Variants in MACROD2 observed in about 807,000 individuals in gnomAD.
MACROD2 encodes ADP-ribose glycohydrolase MACROD2.
Under a neutral mutation model 70.4 loss-of-function variants are expected in MACROD2, and 36 were observed. The ratio of observed to expected loss-of-function variants is 0.51; its 90% CI spans 0.39 to 0.68. The LOEUF (loss-of-function observed/expected upper bound fraction) is 0.68, where lower values mean the gene tolerates loss of function less well. Ranked by LOEUF, MACROD2 falls within the 30% of genes least tolerant of loss-of-function variation. The probability of loss-of-function intolerance (pLI) is 0.00; values close to 1 mark genes in which losing one functional copy is unlikely to be tolerated. For synonymous variants in MACROD2, 172 were observed against 178.8 expected, an observed-to-expected ratio of 0.96 and a Z score of 0.30; for missense variants, 496 against 538.4, an observed-to-expected ratio of 0.92 and a Z score of 0.78.
At chr20:14,948,639 A>C (rs1228189209) in intron 5 of MACROD2, among the ~76,000 whole-genome samples, 1 of 152,172 alleles carries the variant, frequency 6.6e-6, no homozygotes, top group Non-Finnish European at 1.5e-5. Context: ...GTGGTACTGC[A>C]AGCTCTAAAA....
At chr20:15,501,022 G>T (rs574310203) in intron 8 of MACROD2, among the ~76,000 whole-genome samples, 32 of 152,232 alleles carry the variant, frequency 2.1e-4, no homozygotes, top group Admixed American at 1.6e-3. Flanking sequence ...GTAGGTATAT[G>T]TTATCTTCAT....
rs542501279 is a variant in MACROD2, at chr20:15,576,052, C to T, written c.645+76205C>T. Among the ~76,000 whole-genome samples, 10 of 152,280 alleles carry T rather than the reference C, an allele frequency of 6.6e-5. No homozygotes were observed. The East Asian group carries it at 7.7e-4, about 12-fold the overall frequency. On this transcript the variant is annotated intron_variant, in intron 8 of 17. Coordinates refer to ENST00000684519, the MANE Select transcript of MACROD2 (RefSeq NM_001351661.2). ...CAAAAATTCTTAAGCACCTGCCATA[C>T]GAGTAACAACCATGAGGTTTAGAAT...
chr20:14,217,212 A>G (rs888367330), intron 3 of MACROD2, among the ~76,000 whole-genome samples: 1 of 152,216 alleles, frequency 6.6e-6, no homozygotes, highest in South Asian at 2.1e-4. Flanking sequence ...AGTTTCAATC[A>G]TAAAGCAATG....
intron 15 of MACROD2, among the ~76,000 whole-genome samples, chr20:16,022,047 C>CTTTTT (rs543662575): frequency 2.8e-4 from 30 of 108,928 alleles, no homozygotes; most frequent in East Asian, 5.5e-4. Flanking sequence ...GTTTCAGTTT[C>CTTTTT]TTTTTTTTTT....
At position 15,298,290 on chromosome 20, in the gene MACROD2, G is replaced by A. The variant is rs191449033; in HGVS notation, c.540+68229G>A. 9.3e-4 allele frequency among the ~76,000 whole-genome samples: 142 copies of A among 152,294 alleles called. 1 individual carries two copies. The highest frequency in any genetic ancestry group is 5.8e-3 in the Admixed American group (89 of 15,296). Reference sequence around the variant, plus strand: ...TGTAAAGTGTATCTCCCTGGGCCTTGGGTTGTTGACTCCTTATTCTGTTCC... The same window carrying A: ...TGTAAAGTGTATCTCCCTGGGCCTTAGGTTGTTGACTCCTTATTCTGTTCC... On this transcript the variant is annotated intron_variant, in intron 6 of 17. Coordinates refer to ENST00000684519, the MANE Select transcript of MACROD2 (RefSeq NM_001351661.2).
chr20:14,609,697 A>G (rs1352359004), intron 4 of MACROD2, among the ~76,000 whole-genome samples: 3 of 152,116 alleles, frequency 2.0e-5, no homozygotes, highest in Non-Finnish European at 4.4e-5. Flanking sequence ...TCAGTAAATC[A>G]TGTGTTCAAA....
chr20:14,024,008 G>A (rs957288527), intron 2 of MACROD2, among the ~76,000 whole-genome samples: 1 of 152,056 alleles, frequency 6.6e-6, no homozygotes, highest in Non-Finnish European at 1.5e-5. Flanking sequence ...CCATTTTCAC[G>A]ATACTGATTC....
chr20:14,110,979 C>T (rs2054443196), intron 3 of MACROD2, among the ~76,000 whole-genome samples: 2 of 152,088 alleles, frequency 1.3e-5, no homozygotes, highest in African/African-American at 4.8e-5. Flanking sequence ...TTAAATTATA[C>T]TGCAGAGCTA....
intron 3 of MACROD2, among the ~76,000 whole-genome samples, chr20:14,457,092 T>C (rs1306312393): frequency 6.6e-6 from 1 of 151,954 alleles, no homozygotes; most frequent in African/African-American, 2.4e-5. Flanking sequence ...CAGAATTACA[T>C]AGTGGAGTTT....
intron 5 of MACROD2, among the ~76,000 whole-genome samples, chr20:15,084,450 C>T (rs1230488809): frequency 2.0e-5 from 3 of 152,078 alleles, no homozygotes; most frequent in Admixed American, 1.3e-4. Context: ...TCTTGGCTGA[C>T]CCATGGCCAC....
intron 9 of MACROD2, among the ~76,000 whole-genome samples, chr20:15,867,107 C>G (rs902523187): frequency 6.6e-6 from 1 of 152,180 alleles, no homozygotes; most frequent in Non-Finnish European, 1.5e-5. Flanking sequence ...CCTGTACTTT[C>G]AAATGACCTT....
At chr20:14,569,520 T>C (rs1202184757) in intron 4 of MACROD2, among the ~76,000 whole-genome samples, 1 of 152,026 alleles carries the variant, frequency 6.6e-6, no homozygotes, top group Non-Finnish European at 1.5e-5. Context: ...CATCATTCTT[T>C]GGTGAAGAAA....
intron 4 of MACROD2, among the ~76,000 whole-genome samples, chr20:14,501,353 C>A (rs1430285675): frequency 6.6e-6 from 1 of 151,932 alleles, no homozygotes; most frequent in East Asian, 1.9e-4. Context: ...TATCATTCTC[C>A]TTTTTCATAG....
chr20:15,547,356 T>C (rs1338238429), intron 8 of MACROD2, among the ~76,000 whole-genome samples: 2 of 152,200 alleles, frequency 1.3e-5, no homozygotes, highest in African/African-American at 4.8e-5. Context: ...GCACTCCAAA[T>C]GTAGCGGTAC....
intron 5 of MACROD2, chr20:14,850,579 C>G (rs1341898806): frequency 6.6e-6 from 1 of 152,178 alleles, no homozygotes; most frequent in Non-Finnish European, 1.5e-5. Flanking sequence ...TTAGTCCTCT[C>G]CCTAATGAAA....
chr20:15,543,370 T>C (rs7266469), intron 8 of MACROD2, among the ~76,000 whole-genome samples: 5,522 of 152,286 alleles, frequency 0.036, 118 homozygotes, highest in South Asian at 0.1. Context: ...AGGCTTTTGA[T>C]ACATGATAGA....
chr20:14,852,448 A>T (rs1005836594), intron 5 of MACROD2, among the ~76,000 whole-genome samples: 3 of 152,172 alleles, frequency 2.0e-5, no homozygotes, highest in African/African-American at 7.2e-5. Flanking sequence ...AGAGGGTGAC[A>T]TGAAAGTTGA....
chr20:15,254,123 C>T (rs10485520), intron 6 of MACROD2, among the ~76,000 whole-genome samples: 15,999 of 152,100 alleles, frequency 0.11, 1,095 homozygotes, highest in African/African-American at 0.18. Context: ...CTGCAGGAAA[C>T]GAGTTTATTA....
At chr20:14,364,758 G>A (rs1252216976) in intron 3 of MACROD2, among the ~76,000 whole-genome samples, 1 of 152,138 alleles carries the variant, frequency 6.6e-6, no homozygotes, top group East Asian at 1.9e-4. Context: ...CGTTTTCAAA[G>A]TTCATTTACA....
Sources: gnomAD v4.1 joint callset for allele counts (sites outside exome capture counted in the v4.1 genomes callset) on GRCh38, gnomAD v4.1.1 for gene constraint, MANE v1.5 for transcripts, NCBI Gene and HGNC (gene_info 2026-07-23, HGNC 2026-07-21) for gene names.